RTN1: variants seen among roughly 807,000 people sequenced by gnomAD.
The protein encoded by RTN1 is reticulon-1.
RTN1 carries 25 observed loss-of-function variants against 65.5 expected under a neutral mutation model. The observed-to-expected ratio is 0.38, with a 90% CI of 0.28 to 0.53. RTN1 has a LOEUF of 0.53. Among genes scored for constraint, RTN1 ranks in the 20% least tolerant of loss-of-function variants. The probability of loss-of-function intolerance (pLI) is 0.79; values close to 1 mark genes in which losing one functional copy is unlikely to be tolerated. For missense variants in RTN1, 983 were observed against 1,025.4 expected (o/e 0.96, Z 0.57); for synonymous variants, 471 against 447.6 (o/e 1.05, Z -0.66).
intron 3 of RTN1, among the ~76,000 whole-genome samples, chr14:59,609,200 G>A (rs966563433): frequency 1.1e-4 from 16 of 151,778 alleles, no homozygotes; most frequent in Admixed American, 3.9e-4. Flanking sequence ...CAGAAGAATC[G>A]CTTGAACCCA....
chr14:59,719,958 A>AG (rs1215100496), intron 3 of RTN1, among the ~76,000 whole-genome samples: 1 of 152,134 alleles, frequency 6.6e-6, no homozygotes, highest in African/African-American at 2.4e-5. Context: ...GCTGCCTGGG[A>AG]GCTCTCCCTC....
chr14:59,728,048 T>C (rs1261720834), intron 2 of RTN1, among the ~76,000 whole-genome samples: 1 of 152,172 alleles, frequency 6.6e-6, no homozygotes, highest in East Asian at 1.9e-4. Context: ...GGGAACTTTT[T>C]CAATTTCACA....
At position 59,606,126 on chromosome 14, in the gene RTN1, A is replaced by ATATATATATATC. The variant is rs66961672; in HGVS notation, c.1974-621_1974-620insGATATATATATA. On this transcript the variant is annotated intron_variant, in intron 4 of 8. Coordinates refer to ENST00000267484, the MANE Select transcript of RTN1 (RefSeq NM_021136.3). ...ATGATATATATATATATATATATATATCATACCAGCTTAAGCCTCCTCTGC... is the reference window on the plus strand; with the variant it reads ...ATGATATATATATATATATATATATATATATATATATCTCATACCAGCTTAAGCCTCCTCTGC... 1.5e-3 allele frequency: 181 copies of ATATATATATATC among 124,158 alleles called. 1 individual carries two copies. Among genetic ancestry groups the ATATATATATATC allele is most frequent in the African/African-American group, 4.5e-3 (116 of 25,800 alleles). 7.7% of individuals were successfully genotyped at this position (124,158 alleles called of 1,614,324 possible).
chr14:59,672,625 CTTTTTTTTTTTTT>C (rs71111662), intron 3 of RTN1, among the ~76,000 whole-genome samples: 4 of 79,104 alleles, frequency 5.1e-5, no homozygotes, highest in East Asian at 4.9e-4. Context: ...CAAGATATTT[CTTTTTTTTTTTTT>C]TTTTTTTTTT....
At chr14:59,693,318 A>C (rs73309701) in intron 3 of RTN1, among the ~76,000 whole-genome samples, 3,041 of 152,278 alleles carry the variant, frequency 0.02, 95 homozygotes, top group African/African-American at 0.067. Flanking sequence ...ATGTTCATTT[A>C]ATCTAATAAG....
chr14:59,727,321 T>G lies in RTN1; in HGVS notation c.1363A>C (p.Arg455=). 6.7e-7 allele frequency: 1 copy of G among 1,498,764 alleles called. No homozygotes were observed. The highest frequency in any genetic ancestry group is 1.3e-5 in the South Asian group (1 of 76,496). 92.8% of individuals were successfully genotyped at this position (1,498,764 alleles called of 1,614,324 possible). A position where few individuals can be genotyped will look rare whatever the true frequency, so the allele number is the denominator to read the frequency against. ...TCCAGCTCGGCCTCGCGCTCCTCCCTCAGGATGCTGTACTGGATGGATGGC... is the reference window on the plus strand; with the variant it reads ...TCCAGCTCGGCCTCGCGCTCCTCCCGCAGGATGCTGTACTGGATGGATGGC... The part of the protein sequence containing the change: ...ASPSIQYSIL[R]EEREAELDSE... The change falls in exon 3 of 9, where the codon AGG becomes CGG. Residue 455 remains arginine, a synonymous_variant. Transcript: ENST00000267484. The surrounding 1 kb of genome is among the most constrained non-coding windows in gnomAD (Gnocchi z 4.2).
chr14:59,707,804 A>G (rs1876120887), intron 3 of RTN1, among the ~76,000 whole-genome samples: 1 of 152,060 alleles, frequency 6.6e-6, no homozygotes, highest in African/African-American at 2.4e-5. Flanking sequence ...ATGAACACCT[A>G]CAATCAAGGA....
chr14:59,824,073 C>CTGAGGTT (rs1159370477), intron 1 of RTN1, among the ~76,000 whole-genome samples: 3 of 152,174 alleles, frequency 2.0e-5, no homozygotes, highest in Non-Finnish European at 2.9e-5. Flanking sequence ...ACATACCCAC[C>CTGAGGTT]TCTGCAGTGT....
rs182451386 is a variant in RTN1, at chr14:59,647,959, A to G, written c.1766-40467T>C. Among the ~76,000 whole-genome samples the G allele has an allele frequency of 6.0e-4, 91 of 152,276 alleles. 2 individuals carry two copies. The South Asian group carries it at 7.0e-3, about 12-fold the overall frequency. On this transcript the variant is annotated intron_variant, in intron 3 of 8. Coordinates refer to ENST00000267484, the MANE Select transcript of RTN1 (RefSeq NM_021136.3). ...CAAAATCAGGGCTGAATTGAAGGAG[A>G]TCAAGACATTAAAAGCCATGAAAAA... is the stretch of plus-strand genomic sequence containing the variant.
At chr14:59,724,038 T>A (rs1884704451) in intron 3 of RTN1, among the ~76,000 whole-genome samples, 1 of 152,250 alleles carries the variant, frequency 6.6e-6, no homozygotes. Context: ...TGGACATTCC[T>A]AACAGTTACG....
intron 3 of RTN1, among the ~76,000 whole-genome samples, chr14:59,716,222 C>G (rs1282324522): frequency 4.6e-5 from 7 of 152,150 alleles, no homozygotes; most frequent in Admixed American, 4.6e-4. Context: ...GGCCAATTAC[C>G]TGGAAATCAA....
chr14:59,848,449 ATTT>A (rs1438173140), intron 1 of RTN1, among the ~76,000 whole-genome samples: 3 of 152,194 alleles, frequency 2.0e-5, no homozygotes, highest in Non-Finnish European at 4.4e-5. Context: ...GAATTGTTTT[ATTT>A]TTTAAGTTAG....
intron 3 of RTN1, among the ~76,000 whole-genome samples, chr14:59,697,884 C>G (rs906526005): frequency 2.6e-5 from 4 of 152,186 alleles, no homozygotes; most frequent in Middle Eastern, 3.4e-3. Flanking sequence ...AACTCACATA[C>G]TTCTCAAAAA....
intron 3 of RTN1, among the ~76,000 whole-genome samples, chr14:59,629,236 G>T (rs1882480463): frequency 6.6e-6 from 1 of 152,214 alleles, no homozygotes; most frequent in Admixed American, 6.5e-5. Context: ...ATTTGAAGTA[G>T]ACGACTGTAT....
At chr14:59,833,555 AG>A (rs1235291156) in intron 1 of RTN1, among the ~76,000 whole-genome samples, 1 of 152,080 alleles carries the variant, frequency 6.6e-6, no homozygotes, top group Non-Finnish European at 1.5e-5. Flanking sequence ...TTTTATATTC[AG>A]GGGGTACATG....
At chr14:59,869,399 C>G (rs1887850926) in intron 1 of RTN1, among the ~76,000 whole-genome samples, 1 of 152,100 alleles carries the variant, frequency 6.6e-6, no homozygotes, top group Non-Finnish European at 1.5e-5. Context: ...GAGCACCACA[C>G]AGCATCCCCT....
intron 3 of RTN1, among the ~76,000 whole-genome samples, chr14:59,657,209 G>A (rs1404662465): frequency 6.6e-6 from 1 of 152,146 alleles, no homozygotes; most frequent in African/African-American, 2.4e-5. Flanking sequence ...AGGAGTTAGA[G>A]ACCAGCCTGG....
intron 3 of RTN1, among the ~76,000 whole-genome samples, chr14:59,623,123 T>C (rs1882300077): frequency 6.6e-6 from 1 of 152,250 alleles, no homozygotes; most frequent in South Asian, 2.1e-4. Flanking sequence ...CAGCAATTTC[T>C]GCTGCTTTTC....
chr14:59,668,989 C>T (rs1368545575), intron 3 of RTN1, among the ~76,000 whole-genome samples: 3 of 151,792 alleles, frequency 2.0e-5, no homozygotes, highest in South Asian at 4.2e-4. Context: ...TAACAGGCAC[C>T]CTTTTACACT....
Sources: gnomAD v4.1 joint callset for allele counts (sites outside exome capture counted in the v4.1 genomes callset) on GRCh38, gnomAD v4.1.1 for gene constraint, Gnocchi (gnomAD v3.1) non-coding constraint, MANE v1.5 for transcripts, NCBI Gene and HGNC (gene_info 2026-07-23, HGNC 2026-07-21) for gene names.